Variants in MUC5AC observed in about 807,000 individuals in gnomAD.
The protein encoded by MUC5AC is mucin-5AC.
MUC5AC carries 158 observed loss-of-function variants against 169.7 expected under a neutral mutation model. The observed-to-expected ratio is 0.93, with a 90% CI of 0.82 to 1.06. MUC5AC has a LOEUF of 1.06. Among genes scored for constraint, MUC5AC ranks in the 50% least tolerant of loss-of-function variants. The probability of loss-of-function intolerance (pLI) is 0.00; values close to 1 mark genes in which losing one functional copy is unlikely to be tolerated. For missense variants in MUC5AC, 4,359 were observed against 3,089.9 expected (o/e 1.41, Z -9.74); for synonymous variants, 1,975 against 1,237.0 (o/e 1.60, Z -12.52).
In MUC5AC at chr11:1,165,336, T is replaced by C. The variant is rs1169536748; in HGVS notation, c.1164T>C (p.Cys388=). 1 of 1,612,264 alleles carries C rather than the reference T, an allele frequency of 6.2e-7. No homozygotes were observed. ...TTGACGACATCGGCCAGACCGGCTG[T>C]GTCCCTGTGTCAAAGTGTGCCTGCG... ...TVLDDIGQTG[C]VPVSKCACVY... is the part of the protein sequence containing the mutation. Residue 388 remains cysteine, a synonymous_variant, in exon 10 of 49, where the codon TGT becomes TGC. Transcript: ENST00000621226.
intron 11 of MUC5AC, 58 bp downstream of exon 11, chr11:1,165,818 C>G (rs1860307534): frequency 2.5e-6 from 4 of 1,602,152 alleles, no homozygotes; most frequent in Non-Finnish European, 3.4e-6. Flanking sequence ...GCCAGCCTCC[C>G]ACAGGCTCCC....
At chr11:1,176,888 C>A (rs1860699836) in intron 21 of MUC5AC, 40 bp from the exon 22 acceptor site, 2 of 398,530 alleles carry the variant, frequency 5.0e-6, no homozygotes, top group Non-Finnish European at 8.8e-6. Context: ...CAGGCAGGCA[C>A]CCTGTGTGTG....
rs773258052 is a variant in MUC5AC, at chr11:1,192,975, C to A, written c.14573C>A (p.Pro4858His). Residue 4858 changes from proline to histidine, a missense_variant, in exon 32 of 49, where the codon CCC becomes CAC. Physicochemically the swap from Pro to His is moderately conservative, Grantham distance 77 (BLOSUM62 -2). Transcript: ENST00000621226. ...TELGCPNAVPPRKKGETWATP... is the reference protein window; with the variant it reads ...TELGCPNAVPHRKKGETWATP... ...CTGGGATGCCCAAATGCGGTTCCCCCCAGAAAGGTAACCCCCTACTTCTCA... is the reference window on the plus strand; with the variant it reads ...CTGGGATGCCCAAATGCGGTTCCCCACAGAAAGGTAACCCCCTACTTCTCA... 1.4e-6 allele frequency: 1 copy of A among 713,268 alleles called. No homozygotes were observed. Among genetic ancestry groups the A allele is most frequent in the African/African-American group, 1.7e-5 (1 of 58,014 alleles). 44.2% of individuals were successfully genotyped at this position (713,268 alleles called of 1,614,324 possible). A position where few individuals can be genotyped will look rare whatever the true frequency, so the allele number is the denominator to read the frequency against.
chr11:1,194,523 C>A lies in MUC5AC; in HGVS notation c.15043C>A (p.Arg5015=), dbSNP rs954182820. 2.6e-6 allele frequency: 2 copies of A among 762,852 alleles called. No individual in the cohort carries two copies. The highest frequency in any genetic ancestry group is 4.8e-6 in the Non-Finnish European group (2 of 416,490). 47.3% of individuals were successfully genotyped at this position (762,852 alleles called of 1,614,324 possible). ...CAACAAGGTGGTCAGCCCCGGCTTC[C>A]GGAAAAACGGCATCGTGGTCTCGCG... ...FNNKVVSPGF[R]KNGIVVSRIG... Residue 5015 remains arginine (R), a synonymous_variant, in exon 35 of 49, where the codon CGG becomes AGG. Transcript: ENST00000621226.
chr11:1,161,485 C>A, intron 2 of MUC5AC, 42 bp from the exon 3 acceptor site: 2 of 1,515,538 alleles, frequency 1.3e-6, no homozygotes, highest in Non-Finnish European at 1.8e-6. Context: ...CCCCGCCCCA[C>A]GTGGGGCCGT....
chr11:1,198,547 C>T (rs34666042), intron 43 of MUC5AC, among the ~76,000 whole-genome samples: 16,146 of 151,638 alleles, frequency 0.11, 1,145 homozygotes, highest in Non-Finnish European at 0.16. Flanking sequence ...TTTGCCTCTC[C>T]TGGCACCACA....
chr11:1,182,344 G>A lies in MUC5AC; in HGVS notation c.4199G>A (p.Arg1400Gln), dbSNP rs1337428090. 1.3e-5 allele frequency: 5 copies of A among 398,460 alleles called. No individual in the cohort carries two copies. Among genetic ancestry groups the A allele is most frequent in the South Asian group, 1.3e-4 (1 of 7,864 alleles). The allele number at this position is 398,460 out of a possible 1,614,324, so 24.7% of individuals were successfully genotyped here. Residue 1400 changes from arginine to glutamine, a missense_variant, in exon 31 of 49, where the codon CGG (arginine) becomes CAG (glutamine). By Grantham distance (43) the Arg-to-Gln change is conservative. Coordinates refer to ENST00000621226, the MANE Select transcript of MUC5AC (RefSeq NM_001304359.2). ...SPWMDVSRPG[R>Q]GTDSGDFDTL... is the part of the protein sequence containing the mutation. ...TGGATGGATGTCAGCCGCCCTGGAC[G>A]GGGCACGGACAGCGGTGACTTCGAC...
At position 1,194,651 on chromosome 11, in the gene MUC5AC, C is replaced by A; in HGVS notation, c.15171C>A (p.Asn5057Lys). ...AGGTGCCCTTCAGCAAGTTTGCCAA[C>A]AACACCGAGGGCCAGTGCGGTGAGG... ...SVEVPFSKFA[N>K]NTEGQCGTCT... Residue 5057 changes from asparagine to lysine, a missense_variant, in exon 35 of 49, where the codon AAC becomes AAA. Coordinates refer to ENST00000621226, the MANE Select transcript of MUC5AC (RefSeq NM_001304359.2). The A allele has an allele frequency of 1.3e-6, 1 of 762,780 alleles. No individual in the cohort carries two copies. Among genetic ancestry groups the A allele is most frequent in the South Asian group, 1.3e-5 (1 of 74,354 alleles). 47.3% of individuals were successfully genotyped at this position (762,780 alleles called of 1,614,324 possible).
chr11:1,163,185 C>G, intron 6 of MUC5AC, 140 bp downstream of exon 6: 4 of 771,978 alleles, frequency 5.2e-6, no homozygotes, highest in East Asian at 5.3e-5. Context: ...TAGCACAGCA[C>G]ACACGTGCAC....
In MUC5AC at chr11:1,192,200, C is replaced by T; in HGVS notation, c.14055C>T (p.Asn4685=). 2 of 765,116 alleles carry T rather than the reference C, an allele frequency of 2.6e-6. No homozygotes were observed. The highest frequency in any genetic ancestry group is 1.7e-5 in the Admixed American group (1 of 59,034). The allele number at this position is 765,116 out of a possible 1,614,324, so 47.4% of individuals were successfully genotyped here. A position where few individuals can be genotyped will look rare whatever the true frequency, so the allele number is the denominator to read the frequency against. The change falls in exon 31 of 49, where the codon AAC becomes AAT. Residue 4685 remains asparagine (N), a synonymous_variant. Coordinates refer to ENST00000621226, the MANE Select transcript of MUC5AC (RefSeq NM_001304359.2). Reference sequence around the variant, plus strand: ...GAGCCGAGAGCCACCCGGAGGTGAACATTGAACACCTGGGTCAGGTGGTGC... The same window carrying T: ...GAGCCGAGAGCCACCCGGAGGTGAATATTGAACACCTGGGTCAGGTGGTGC... ...QCRAESHPEV[N]IEHLGQVVQC...
intron 1 of MUC5AC, among the ~76,000 whole-genome samples, chr11:1,158,617 G>A (rs934633662): frequency 1.3e-5 from 2 of 152,222 alleles, no homozygotes; most frequent in African/African-American, 4.8e-5. Flanking sequence ...AGGGTGATGG[G>A]GGAGGCTCCA....
intron 45 of MUC5AC, 22 bp downstream of exon 45, chr11:1,199,207 G>A (rs1861360812): frequency 1.3e-6 from 1 of 753,938 alleles, no homozygotes; most frequent in African/African-American, 1.7e-5. Flanking sequence ...CTGCCACAAA[G>A]AGGAAGGGCA....
At position 1,181,432 on chromosome 11, in the gene MUC5AC, AC is replaced by A. The variant is rs1243583812; in HGVS notation, c.3984del (p.Phe1329SerfsTer10). 4.1e-6 allele frequency: 1 copy of A among 246,360 alleles called. No individual in the cohort carries two copies. The highest frequency in any genetic ancestry group is 4.4e-5 in the African/African-American group (1 of 22,618). The allele number at this position is 246,360 out of a possible 1,614,324, so 15.3% of individuals were successfully genotyped here. On this transcript the variant is annotated frameshift_variant, in exon 30 of 49. Coordinates refer to ENST00000621226, the MANE Select transcript of MUC5AC (RefSeq NM_001304359.2). LOFTEE classifies it high-confidence loss of function. The part of the protein sequence containing the change: ...CSPTTPVPPT[T>X]FSFSTPPLVV... The stretch of plus-strand genomic sequence containing the variant: ...CCCCACCACCCCTGTCCCCCCAACC[AC>A]CTTCTCCTTCTCCACACCCCCGCTT...
Position 1,164,250 on chromosome 11 carries a change from G to T in MUC5AC, c.934G>T (p.Ala312Ser). 1 of 1,612,634 alleles carries T rather than the reference G, an allele frequency of 6.2e-7. No individual in the cohort carries two copies. The highest frequency in any genetic ancestry group is 8.5e-7 in the Non-Finnish European group (1 of 1,179,874). ...GCTCAGCTGCGTCTGCCACACCCTT[G>T]CCGAGTACTCCCGGCAGTGCACCCA... ...DLLSCVCHTL[A>S]EYSRQCTHAG... Residue 312 changes from alanine to serine, a missense_variant, in exon 8 of 49, where the codon GCC becomes TCC. Coordinates refer to ENST00000621226, the MANE Select transcript of MUC5AC (RefSeq NM_001304359.2).
rs1395168109 is a variant in MUC5AC, at chr11:1,170,948, CA to C, written c.1871-1480del. The stretch of plus-strand genomic sequence containing the variant: ...TCACCCACTCACCCATTCACCCACT[CA>C]CCTACTCACTCACCCACTCACCCAT... On this transcript the variant is annotated intron_variant, in intron 15 of 48. Transcript: ENST00000621226. Among the ~76,000 whole-genome samples the C allele has an allele frequency of 5.0e-5, 3 of 60,310 alleles. No individual in the cohort carries two copies. In the East Asian group the frequency reaches 2.4e-3, roughly 47 times the overall value. The allele number at this position is 60,310 out of a possible 152,430, so 39.6% of individuals were successfully genotyped here. A position where few individuals can be genotyped will look rare whatever the true frequency, so the allele number is the denominator to read the frequency against.
rs1490629125 is a variant in MUC5AC, at chr11:1,178,430, C to T, written c.3088-14C>T. On this transcript the variant is annotated splice_polypyrimidine_tract_variant and intron_variant, in intron 24 of 48. Coordinates refer to ENST00000621226, the MANE Select transcript of MUC5AC (RefSeq NM_001304359.2). Reference sequence around the variant, plus strand: ...TTGCTGCACCCACCTCCACCTCTCCCGGTGCCTCTGCAGGGCAGGGTCTGC... The same window carrying T: ...TTGCTGCACCCACCTCCACCTCTCCTGGTGCCTCTGCAGGGCAGGGTCTGC... 34 of 561,570 alleles carry T rather than the reference C, an allele frequency of 6.1e-5. No individual in the cohort carries two copies. In the Middle Eastern group the frequency reaches 1.4e-3, roughly 24 times the overall value. 34.8% of individuals were successfully genotyped at this position (561,570 alleles called of 1,614,324 possible).
At chr11:1,179,284 G>GCCTT in intron 26 of MUC5AC, 36 bp downstream of exon 26, 1 of 506,182 alleles carries the variant, frequency 2.0e-6, no homozygotes, top group Middle Eastern at 5.1e-4. Flanking sequence ...AGAACAGGAA[G>GCCTT]CGCCGGCAGC....
chr11:1,159,109 C>T (rs1289658642), intron 1 of MUC5AC, among the ~76,000 whole-genome samples: 5 of 152,018 alleles, frequency 3.3e-5, no homozygotes, highest in Non-Finnish European at 7.4e-5. Flanking sequence ...CCGTCATCTC[C>T]GTCTCCCCCA....
intron 10 of MUC5AC, 78 bp downstream of exon 10, chr11:1,165,497 A>T (rs1259862058): frequency 6.3e-6 from 10 of 1,580,178 alleles, no homozygotes; most frequent in Non-Finnish European, 8.6e-6. Context: ...CCAGGCCGGC[A>T]GGCTCCCTCG....
Sources: allele counts gnomAD v4.1 joint callset (sites outside exome capture counted in the v4.1 genomes callset), GRCh38; gene constraint gnomAD v4.1.1; transcripts MANE v1.5; gene names NCBI Gene and HGNC (gene_info 2026-07-23, HGNC 2026-07-21).